KLHL13: variants seen among roughly 807,000 people sequenced by gnomAD.
KLHL13 encodes the protein kelch-like protein 13.
KLHL13 carries 10 observed loss-of-function variants against 37.1 expected under a neutral mutation model. The ratio of observed to expected loss-of-function variants is 0.27; its 90% confidence interval spans 0.17 to 0.46. KLHL13 has a LOEUF of 0.46. KLHL13 is among the 20% of genes least tolerant of loss of function. The probability of loss-of-function intolerance (pLI) is 1.00; values close to 1 mark genes in which losing one functional copy is unlikely to be tolerated. For synonymous variants in KLHL13, 163 were observed against 181.2 expected (o/e 0.90, Z 0.81); for missense variants, 360 against 509.3 (o/e 0.71, Z 2.82).
intron 1 of KLHL13, among the ~76,000 whole-genome samples, chrX:118,046,734 GAA>G (rs2054564918): frequency 1.8e-5 from 2 of 111,626 alleles, no homozygotes; most frequent in African/African-American, 6.5e-5. Context: ...TTCCCCATGA[GAA>G]GGTGGAATCC....
At chrX:118,029,387 C>A (rs138972116) in intron 1 of KLHL13, among the ~76,000 whole-genome samples, 1 of 111,316 alleles carries the variant, frequency 9.0e-6, no homozygotes, top group Non-Finnish European at 1.9e-5. Flanking sequence ...CATAAAATAG[C>A]GGATAGAAAT....
chrX:118,081,963 T>TGC, intron 1 of KLHL13, among the ~76,000 whole-genome samples: 1 of 110,196 alleles, frequency 9.1e-6, no homozygotes, highest in South Asian at 3.9e-4. Flanking sequence ...TGTGTGTGTG[T>TGC]GTGTGTGTGT....
intron 1 of KLHL13, among the ~76,000 whole-genome samples, chrX:117,997,708 A>G (rs2147959493): frequency 8.9e-6 from 1 of 111,768 alleles, no homozygotes; most frequent in East Asian, 2.8e-4. Flanking sequence ...TCCTCAGACC[A>G]CAATTAAATT....
At chrX:117,986,645 C>T (rs1430185974) in intron 1 of KLHL13, among the ~76,000 whole-genome samples, 1 of 111,692 alleles carries the variant, frequency 9.0e-6, no homozygotes, top group African/African-American at 3.3e-5. Context: ...TGTTCTTTCT[C>T]GCCTTTGCTC....
chrX:117,966,547 G>T (rs1007737415), intron 1 of KLHL13, among the ~76,000 whole-genome samples: 4 of 111,179 alleles, frequency 3.6e-5, no homozygotes, highest in African/African-American at 6.5e-5. Context: ...TTCACAGAAT[G>T]GGAAAAAACT....
chrX:117,955,110 T>C (rs1459713737), intron 1 of KLHL13, among the ~76,000 whole-genome samples: 1 of 111,964 alleles, frequency 8.9e-6, no homozygotes, highest in African/African-American at 3.2e-5. Flanking sequence ...TATTCAAACA[T>C]CTGAGTTACC....
intron 1 of KLHL13, among the ~76,000 whole-genome samples, chrX:117,966,700 A>G (rs1253291503): frequency 9.0e-6 from 1 of 111,362 alleles, no homozygotes; most frequent in Non-Finnish European, 1.9e-5. Context: ...TGGTACTGGT[A>G]CCAAAACAGA....
intron 5 of KLHL13, among the ~76,000 whole-genome samples, chrX:117,908,403 C>T (rs1307838570): frequency 9.2e-6 from 1 of 108,658 alleles, no homozygotes; most frequent in Non-Finnish European, 1.9e-5. Flanking sequence ...AGCCCCCCAA[C>T]CCCAGACAGG....
chrX:117,972,303 T>C (rs1290687297), intron 1 of KLHL13, among the ~76,000 whole-genome samples: 1 of 112,173 alleles, frequency 8.9e-6, no homozygotes, highest in East Asian at 2.8e-4. Context: ...ATGTTAACTC[T>C]GTTTTTAATT....
intron 2 of KLHL13, among the ~76,000 whole-genome samples, chrX:117,938,108 C>A (rs1932866749): frequency 8.9e-6 from 1 of 111,950 alleles, no homozygotes; most frequent in Admixed American, 9.5e-5. Flanking sequence ...TTTAAAATAG[C>A]TGGATCATAT....
intron 1 of KLHL13, among the ~76,000 whole-genome samples, chrX:117,954,452 G>A (rs985296979): frequency 3.6e-5 from 4 of 111,977 alleles, no homozygotes; most frequent in African/African-American, 1.3e-4. Context: ...ATGGATGGAT[G>A]AATGGTAGGT....
chrX:118,033,853 G>A (rs867108025), intron 1 of KLHL13, among the ~76,000 whole-genome samples: 6 of 106,935 alleles, frequency 5.6e-5, no homozygotes, highest in Middle Eastern at 4.7e-3. Flanking sequence ...CCCATCTCAC[G>A]TGCAGAGACA....
At chrX:118,114,434 C>T (rs1420158220) in intron 1 of KLHL13, among the ~76,000 whole-genome samples, 1 of 111,848 alleles carries the variant, frequency 8.9e-6, no homozygotes, top group Non-Finnish European at 1.9e-5. Context: ...CTTTTCCTGG[C>T]AAATATAAAT....
At chrX:118,058,519 C>T (rs1046295239) in intron 1 of KLHL13, among the ~76,000 whole-genome samples, 12 of 111,647 alleles carry the variant, frequency 1.1e-4, no homozygotes, top group African/African-American at 3.9e-4. Context: ...CTTTGCTATC[C>T]TGATGAGGTA....
At chrX:118,073,160 A>G (rs1245906258) in intron 1 of KLHL13, among the ~76,000 whole-genome samples, 3 of 110,260 alleles carry the variant, frequency 2.7e-5, no homozygotes, top group Non-Finnish European at 5.7e-5. Context: ...CTTCTCCCCT[A>G]TATTAGTCTG....
At chrX:118,032,322 T>G (rs906506922) in intron 1 of KLHL13, among the ~76,000 whole-genome samples, 2 of 112,214 alleles carry the variant, frequency 1.8e-5, no homozygotes, top group African/African-American at 3.3e-5. Context: ...CAGTAACCTC[T>G]ACAGACTTAA....
intron 1 of KLHL13, among the ~76,000 whole-genome samples, chrX:118,061,181 T>C (rs1419927046): frequency 8.9e-6 from 1 of 111,874 alleles, no homozygotes; most frequent in Non-Finnish European, 1.9e-5. Context: ...TTGTGGAGGT[T>C]GTTTTTTAAG....
chrX:118,011,492 G>A (rs940668912), intron 1 of KLHL13, among the ~76,000 whole-genome samples: 24 of 110,187 alleles, frequency 2.2e-4, no homozygotes, highest in Non-Finnish European at 4.2e-4. Flanking sequence ...AAAAAAAACA[G>A]ATTAGAAGGA....
chrX:117,912,308 A>G (rs902557560), intron 4 of KLHL13, among the ~76,000 whole-genome samples: 4 of 112,101 alleles, frequency 3.6e-5, no homozygotes, highest in African/African-American at 1.3e-4. Flanking sequence ...TTACTAAAAA[A>G]CAACAAAGAA....
Sources: gnomAD v4.1 joint callset for allele counts (sites outside exome capture counted in the v4.1 genomes callset) on GRCh38, gnomAD v4.1.1 for gene constraint, MANE v1.5 for transcripts, NCBI Gene and HGNC (gene_info 2026-07-23, HGNC 2026-07-21) for gene names.